SPTB: variants seen among roughly 807,000 people sequenced by gnomAD.
SPTB encodes the protein spectrin beta chain, erythrocytic.
A neutral mutation model predicts 256.2 loss-of-function variants in SPTB; 45 were observed. The ratio of observed to expected loss-of-function variants is 0.18; its 90% CI spans 0.14 to 0.23. The LOEUF (loss-of-function observed/expected upper bound fraction) is 0.23. Among genes scored for constraint, SPTB ranks in the 10% least tolerant of loss-of-function variants. SPTB has a pLI of 1.00. For missense variants in SPTB, 2,715 were observed against 3,040.4 expected, an observed-to-expected ratio of 0.89 and a Z score of 2.52; for synonymous variants, 1,231 against 1,243.1, an observed-to-expected ratio of 0.99 and a Z score of 0.21.
intron 18 of SPTB, among the ~76,000 whole-genome samples, 194 bp from the exon 19 acceptor site, chr14:64,784,587 T>C (rs2082530653): frequency 6.6e-6 from 1 of 152,204 alleles, no homozygotes. Context: ...AGGGCTAAAA[T>C]GTGGGCACAG....
In SPTB at chr14:64,777,993, T is replaced by C. The variant is rs1250814807; in HGVS notation, c.4563+1164A>G. On this transcript the variant is annotated intron_variant, in intron 22 of 35. Transcript: ENST00000644917. This position sits in a 1 kb window ranked among gnomAD's most constrained non-coding sequence, Gnocchi z 4.5. The stretch of plus-strand genomic sequence containing the variant: ...TCAAAAATCCTAGTGTTGGAAAGAC[T>C]AGAGTTGGCTCATTTTACAATTAAG... 2.0e-5 allele frequency among the ~76,000 whole-genome samples: 3 copies of C among 152,154 alleles called. No homozygotes were observed. The highest frequency in any genetic ancestry group is 4.4e-5 in the Non-Finnish European group (3 of 68,006).
rs1024885530 is a variant in SPTB, at chr14:64,759,699, G to A, written c.6346-5906C>T. On this transcript the variant is annotated intron_variant, in intron 32 of 35. Transcript: ENST00000644917. This position sits in a 1 kb window ranked among gnomAD's most constrained non-coding sequence, Gnocchi z 4.8. ...TGAGGTTCCCTTCCACCTTTGTGCTGTAAGGCAGGGGCTGCTGCTGGAGTC... is the reference window on the plus strand; with the variant it reads ...TGAGGTTCCCTTCCACCTTTGTGCTATAAGGCAGGGGCTGCTGCTGGAGTC... 3.7e-4 allele frequency among the ~76,000 whole-genome samples: 57 copies of A among 152,372 alleles called. No individual in the cohort carries two copies. Among genetic ancestry groups the A allele is most frequent in the African/African-American group, 1.3e-3 (56 of 41,594 alleles).
At chr14:64,757,725 A>T (rs1272483108) in intron 32 of SPTB, among the ~76,000 whole-genome samples, 53 of 152,040 alleles carry the variant, frequency 3.5e-4, no homozygotes, top group Admixed American at 3.5e-3. Flanking sequence ...CTTTGGGGAC[A>T]ATCCTTTCTT....
At position 64,822,995 on chromosome 14, in the gene SPTB, TGTC is replaced by T. The variant is rs762209361; in HGVS notation, c.97_99del (p.Asp33del). ...CTCTCAAAGAGCCTGGCTGAGCTGT[TGTC>T]ATTATCCAGCTCGTCGTCTGGGGCG... On this transcript the variant is annotated inframe_deletion, in exon 2 of 36. Coordinates refer to ENST00000644917, the MANE Select transcript of SPTB (RefSeq NM_001355436.2). The T allele has an allele frequency of 8.7e-6, 14 of 1,613,944 alleles. No individual in the cohort carries two copies. Among genetic ancestry groups the T allele is most frequent in the Non-Finnish European group, 1.1e-5 (13 of 1,180,030 alleles).
intron 1 of SPTB, among the ~76,000 whole-genome samples, chr14:64,834,487 A>G (rs2083491714): frequency 6.6e-6 from 1 of 150,428 alleles, no homozygotes; most frequent in African/African-American, 2.5e-5. Context: ...GTGCAGTGGC[A>G]TGATCTCTAC....
chr14:64,822,304 G>T (rs1030112074), intron 2 of SPTB, among the ~76,000 whole-genome samples: 6 of 102,724 alleles, frequency 5.8e-5, no homozygotes, highest in African/African-American at 1.6e-4. Flanking sequence ...AACAGGGGGA[G>T]GAGAAGTCAT....
At chr14:64,794,009 C>A in intron 13 of SPTB, 142 bp from the exon 14 acceptor site, 1 of 696,492 alleles carries the variant, frequency 1.4e-6, no homozygotes, top group East Asian at 2.7e-5. Context: ...CAGGGGGGTC[C>A]CAGTTGCTCA....
chr14:64,786,014 C>T lies in SPTB; in HGVS notation c.3562-63G>A. On this transcript the variant is annotated intron_variant, in intron 16 of 35. Transcript: ENST00000644917. The surrounding 1 kb of genome is among the most constrained non-coding windows in gnomAD (Gnocchi z 5.6). ...ACGGAGGAGGTGATGAGCACACCTC[C>T]CAAGTGGGAGCACCACGTGCAGCCA... The T allele has an allele frequency of 1.9e-6, 3 of 1,557,092 alleles. No homozygotes were observed. The highest frequency in any genetic ancestry group is 1.8e-6 in the Non-Finnish European group (2 of 1,134,282).
Position 64,866,364 on chromosome 14 carries a change from C to G in SPTB, c.-52+13428G>C, listed in dbSNP as rs150545103. Among the ~76,000 whole-genome samples, 36 of 152,258 alleles carry G rather than the reference C, an allele frequency of 2.4e-4. No homozygotes were observed. The highest frequency in any genetic ancestry group is 4.1e-4 in the Non-Finnish European group (28 of 68,020). The stretch of plus-strand genomic sequence containing the variant: ...GGTCTTCAGTTGTCTTGGCCAAGCC[C>G]GTTCCTCTGTCTCGCTGCCCTCAGG... On this transcript the variant is annotated intron_variant, in intron 1 of 35. Coordinates refer to ENST00000644917, the MANE Select transcript of SPTB (RefSeq NM_001355436.2). This position sits in a 1 kb window ranked among gnomAD's most constrained non-coding sequence, Gnocchi z 4.6.
chr14:64,767,062 C>A (rs1419235909), intron 31 of SPTB, among the ~76,000 whole-genome samples: 1 of 152,184 alleles, frequency 6.6e-6, no homozygotes, highest in South Asian at 2.1e-4. Flanking sequence ...CGAGGTGGGG[C>A]CTCGCCTGGC....
intron 31 of SPTB, 127 bp downstream of exon 31, chr14:64,767,176 C>A: frequency 7.9e-7 from 1 of 1,264,662 alleles, no homozygotes; most frequent in Admixed American, 1.7e-5. Flanking sequence ...TCTGGGCCTT[C>A]CTGACGAGGG....
intron 1 of SPTB, among the ~76,000 whole-genome samples, chr14:64,849,006 A>C (rs55829459): frequency 2.6e-4 from 40 of 152,226 alleles, no homozygotes; most frequent in African/African-American, 9.2e-4. Context: ...CCTTATTTGC[A>C]ACTATTCTCC....
chr14:64,804,421 T>C (rs1175433978), intron 3 of SPTB, among the ~76,000 whole-genome samples: 1 of 152,050 alleles, frequency 6.6e-6, no homozygotes, highest in Non-Finnish European at 1.5e-5. Flanking sequence ...GAAAAGAGGG[T>C]CCTGCCTGAT....
In SPTB at chr14:64,816,775, A is replaced by G. The variant is rs958607189; in HGVS notation, c.148+6172T>C. ...AAGGGAAAATGGAAAATTGCTACAGATGCTCTGAAAACACCACCCTTGGCA... is the reference window on the plus strand; with the variant it reads ...AAGGGAAAATGGAAAATTGCTACAGGTGCTCTGAAAACACCACCCTTGGCA... On this transcript the variant is annotated intron_variant, in intron 2 of 35. Coordinates refer to ENST00000644917, the MANE Select transcript of SPTB (RefSeq NM_001355436.2). The surrounding 1 kb of genome is among the most constrained non-coding windows in gnomAD (Gnocchi z 4.2). Among the ~76,000 whole-genome samples, 2 of 152,148 alleles carry G rather than the reference A, an allele frequency of 1.3e-5. No homozygotes were observed. Among genetic ancestry groups the G allele is most frequent in the African/African-American group, 2.4e-5 (1 of 41,420 alleles).
At chr14:64,854,187 G>A (rs757133040) in intron 1 of SPTB, among the ~76,000 whole-genome samples, 157 of 148,268 alleles carry the variant, frequency 1.1e-3, no homozygotes, top group Non-Finnish European at 1.9e-3. Flanking sequence ...GTGAGACTCC[G>A]CCTCAAAACA....
intron 22 of SPTB, among the ~76,000 whole-genome samples, chr14:64,776,135 A>G (rs1331372218): frequency 1.3e-5 from 2 of 151,962 alleles, no homozygotes; most frequent in Non-Finnish European, 2.9e-5. Flanking sequence ...TGGGCTCCTG[A>G]GCTCCATATA....
intron 33 of SPTB, among the ~76,000 whole-genome samples, chr14:64,751,723 A>G (rs905019488): frequency 1.3e-5 from 2 of 152,018 alleles, no homozygotes. Context: ...TGTTTCAGTG[A>G]TTGTTTTCTG....
rs563633753 is a variant in SPTB at position 64,749,107 on chromosome 14, C to T, written c.*199G>A. 4.4e-4 allele frequency: 242 copies of T among 550,434 alleles called. 3 individuals are homozygous for T. In the African/African-American group the frequency reaches 4.6e-3, roughly 11 times the overall value. 34.1% of individuals were successfully genotyped at this position (550,434 alleles called of 1,614,324 possible). A position where few individuals can be genotyped will look rare whatever the true frequency, so the allele number is the denominator to read the frequency against. On this transcript the variant is annotated 3_prime_UTR_variant, in exon 36 of 36. Coordinates refer to ENST00000644917, the MANE Select transcript of SPTB (RefSeq NM_001355436.2). This position sits in a 1 kb window ranked among gnomAD's most constrained non-coding sequence, Gnocchi z 4.7. ...CCCTGTCCCTGGAGCGGAGCCAGCG[C>T]GGGCGAGGGCATGGAGGGGGCGTCG...
At chr14:64,797,465 T>A in intron 10 of SPTB, among the ~76,000 whole-genome samples, 1 of 30,116 alleles carries the variant, frequency 3.3e-5, no homozygotes, top group Non-Finnish European at 5.7e-5. Context: ...AGACCCTGTC[T>A]CCAAAAAAAA....
Sources: allele counts gnomAD v4.1 joint callset (sites outside exome capture counted in the v4.1 genomes callset), GRCh38; gene constraint gnomAD v4.1.1; non-coding constraint Gnocchi (gnomAD v3.1); transcripts MANE v1.5; gene names NCBI Gene and HGNC (gene_info 2026-07-23, HGNC 2026-07-21).